PTPRU: variants seen among roughly 807,000 people sequenced by gnomAD.
PTPRU encodes the protein protein tyrosine phosphatase receptor type U, also known as receptor-type tyrosine-protein phosphatase U.
Under a neutral mutation model 166.3 loss-of-function variants are expected in PTPRU, and 69 were observed. The observed-to-expected ratio is 0.41, with a 90% confidence interval of 0.34 to 0.51. The LOEUF (loss-of-function observed/expected upper bound fraction) is 0.51, where lower values mean the gene tolerates loss of function less well. Ranked by LOEUF, PTPRU falls within the 20% of genes least tolerant of loss-of-function variation. The probability of loss-of-function intolerance (pLI) is 0.09; values close to 1 mark genes in which losing one functional copy is unlikely to be tolerated. For missense variants in PTPRU, 1,657 were observed against 2,013.7 expected (o/e 0.82, Z 3.39); for synonymous variants, 793 against 814.0 (o/e 0.97, Z 0.44).
In PTPRU at chr1:29,326,027, G is replaced by A. The variant is rs978440778; in HGVS notation, c.*366G>A. 4 of 417,408 alleles carry A rather than the reference G, an allele frequency of 9.6e-6. No homozygotes were observed. The allele number at this position is 417,408 out of a possible 1,614,324, so 25.9% of individuals were successfully genotyped here. A position where few individuals can be genotyped will look rare whatever the true frequency, so the allele number is the denominator to read the frequency against. On this transcript the variant is annotated 3_prime_UTR_variant, in exon 30 of 30. Transcript: ENST00000373779. Reference sequence around the variant, plus strand: ...CCATCCTGGCTTTTGGCAGGGATGAGTGAGGCCCTGCAGAGAGCATCCCAG... The same window carrying A: ...CCATCCTGGCTTTTGGCAGGGATGAATGAGGCCCTGCAGAGAGCATCCCAG...
At chr1:29,243,649 G>T (rs1684154987) in intron 1 of PTPRU, among the ~76,000 whole-genome samples, 1 of 152,224 alleles carries the variant, frequency 6.6e-6, no homozygotes, top group Non-Finnish European at 1.5e-5. Context: ...TCCCATAGTG[G>T]ACGTCTGACA....
At chr1:29,295,832 G>A (rs867490018) in intron 15 of PTPRU, among the ~76,000 whole-genome samples, 2 of 151,870 alleles carry the variant, frequency 1.3e-5, no homozygotes, top group African/African-American at 2.4e-5. Context: ...GACTACAGAC[G>A]TGCGCCACCA....
intron 19 of PTPRU, among the ~76,000 whole-genome samples, 177 bp downstream of exon 19, chr1:29,310,957 G>A (rs1264991715): frequency 6.6e-6 from 1 of 152,100 alleles, no homozygotes; most frequent in African/African-American, 2.4e-5. Context: ...TGGATCTCTT[G>A]GAATCTGGCC....
chr1:29,324,283 C>A (rs1688303890), intron 28 of PTPRU, among the ~76,000 whole-genome samples: 1 of 152,206 alleles, frequency 6.6e-6, no homozygotes. Context: ...ATTTACTGAG[C>A]CTTTCGAGTG....
intron 7 of PTPRU, among the ~76,000 whole-genome samples, chr1:29,263,731 T>C (rs1042544856): frequency 1.3e-5 from 2 of 152,222 alleles, no homozygotes; most frequent in African/African-American, 2.4e-5. Context: ...TGCATTACCC[T>C]GATGGCTAAT....
chr1:29,285,657 C>T (rs1392477397), intron 14 of PTPRU, among the ~76,000 whole-genome samples: 1 of 152,222 alleles, frequency 6.6e-6, no homozygotes, highest in Admixed American at 6.5e-5. Context: ...AGTTCAAGGC[C>T]ATCTAGTCTA....
intron 1 of PTPRU, among the ~76,000 whole-genome samples, chr1:29,248,075 G>A (rs1684377607): frequency 6.6e-6 from 1 of 152,214 alleles, no homozygotes; most frequent in African/African-American, 2.4e-5. Context: ...AAGGAGAGTA[G>A]CAAGGTGGGC....
intron 5 of PTPRU, 115 bp from the exon 6 acceptor site, chr1:29,259,755 C>CT: frequency 7.5e-7 from 1 of 1,338,334 alleles, no homozygotes; most frequent in East Asian, 2.5e-5. Flanking sequence ...AGCGCGGCTC[C>CT]AGGAACCTAT....
chr1:29,238,432 G>C lies in PTPRU; in HGVS notation c.73+1715G>C, dbSNP rs1228577337. Among the ~76,000 whole-genome samples the C allele has an allele frequency of 6.6e-6, 1 of 152,124 alleles. No individual in the cohort carries two copies. Among genetic ancestry groups the C allele is most frequent in the African/African-American group, 2.4e-5 (1 of 41,446 alleles). On this transcript the variant is annotated intron_variant, in intron 1 of 29. Coordinates refer to ENST00000373779, the MANE Select transcript of PTPRU (RefSeq NM_133178.4). This position sits in a 1 kb window ranked among gnomAD's most constrained non-coding sequence, Gnocchi z 6.1. Reference sequence around the variant, plus strand: ...CCGGGAGACGCCCGGGGCGGGATCCGAGCCGAGACACGTGCTGGAGCGGAG... The same window carrying C: ...CCGGGAGACGCCCGGGGCGGGATCCCAGCCGAGACACGTGCTGGAGCGGAG...
intron 4 of PTPRU, 29 bp from the exon 5 acceptor site, chr1:29,259,420 C>T: frequency 6.2e-7 from 1 of 1,607,648 alleles, no homozygotes; most frequent in Non-Finnish European, 8.5e-7. Flanking sequence ...GGTGCAGGCC[C>T]AGCTCACGAT....
Position 29,264,999 on chromosome 1 carries a change from C to T in PTPRU, c.1144+4096C>T, listed in dbSNP as rs1685235400. ...GGAAATGCCAGTTTGTTTAAACATT[C>T]ACCTGTTGAATGACATCTGGGCTGG... On this transcript the variant is annotated intron_variant, in intron 7 of 29. Transcript: ENST00000373779. Among the ~76,000 whole-genome samples the T allele has an allele frequency of 3.3e-5, 5 of 152,162 alleles. 1 individual carries two copies. In the South Asian group the frequency reaches 8.3e-4, roughly 25 times the overall value.
chr1:29,244,441 A>G (rs537059971), intron 1 of PTPRU, among the ~76,000 whole-genome samples: 1 of 152,178 alleles, frequency 6.6e-6, no homozygotes, highest in South Asian at 2.1e-4. Flanking sequence ...AGAGGTGGAG[A>G]TAAGAGGTGA....
chr1:29,316,962 C>G (rs1198026530), intron 24 of PTPRU, among the ~76,000 whole-genome samples: 2 of 152,078 alleles, frequency 1.3e-5, no homozygotes, highest in East Asian at 3.9e-4. Flanking sequence ...CACTGGGTGG[C>G]AGAGACCTCA....
At chr1:29,293,678 G>C (rs961892640) in intron 15 of PTPRU, among the ~76,000 whole-genome samples, 5 of 151,004 alleles carry the variant, frequency 3.3e-5, no homozygotes, top group African/African-American at 1.2e-4. Context: ...ATTTCACCGT[G>C]TTAGCCAGGA....
chr1:29,307,454 T>G (rs1687445065), intron 18 of PTPRU, among the ~76,000 whole-genome samples: 2 of 152,222 alleles, frequency 1.3e-5, no homozygotes, highest in African/African-American at 4.8e-5. Flanking sequence ...GTCACCTTCC[T>G]TCCCTGGCTC....
At chr1:29,278,485 TA>T (rs1685915844) in intron 8 of PTPRU, among the ~76,000 whole-genome samples, 1 of 152,244 alleles carries the variant, frequency 6.6e-6, no homozygotes, top group South Asian at 2.1e-4. Context: ...ATGTTAACAG[TA>T]TCTCTGGGTG....
chr1:29,258,657 T>C lies in PTPRU; in HGVS notation c.358T>C (p.Tyr120His), dbSNP rs1286935680. 6.2e-7 allele frequency: 1 copy of C among 1,614,270 alleles called. No homozygotes were observed. Among genetic ancestry groups the C allele is most frequent in the East Asian group, 2.2e-5 (1 of 44,890 alleles). ...DGHSPGTLGVYVRVNGGPLGS... is the reference protein window; with the variant it reads ...DGHSPGTLGVHVRVNGGPLGS... ...GCACAGCCCGGGCACCCTGGGCGTC[T>C]ACGTGCGCGTTAATGGGGGCCCCCT... is the stretch of plus-strand genomic sequence containing the variant. The change falls in exon 3 of 30, where the codon TAC becomes CAC. Residue 120 changes from tyrosine (Y) to histidine (H), a missense_variant. Coordinates refer to ENST00000373779, the MANE Select transcript of PTPRU (RefSeq NM_133178.4).
At chr1:29,295,796 C>T (rs1439102534) in intron 15 of PTPRU, among the ~76,000 whole-genome samples, 5 of 152,082 alleles carry the variant, frequency 3.3e-5, no homozygotes, top group Non-Finnish European at 5.9e-5. Flanking sequence ...AAGTGATTCT[C>T]CTGCTTCAGC....
At chr1:29,308,131 T>C (rs889831682) in intron 18 of PTPRU, among the ~76,000 whole-genome samples, 2 of 151,046 alleles carry the variant, frequency 1.3e-5, no homozygotes, top group African/African-American at 2.4e-5. Flanking sequence ...TTCTTTTTTC[T>C]TTTTTTTTGA....
Sources: gnomAD v4.1 joint callset for allele counts (sites outside exome capture counted in the v4.1 genomes callset) on GRCh38, gnomAD v4.1.1 for gene constraint, Gnocchi (gnomAD v3.1) non-coding constraint, MANE v1.5 for transcripts, NCBI Gene and HGNC (gene_info 2026-07-23, HGNC 2026-07-21) for gene names.